The following RNGTT variants were observed in gnomAD, a reference collection of about 807,000 sequenced individuals.
The protein encoded by RNGTT is mRNA-capping enzyme.
In RNGTT, 33 loss-of-function variants were observed where a neutral mutation model predicts 79.3. That is an observed-to-expected ratio of 0.42 (90% CI 0.32 to 0.56). The LOEUF (loss-of-function observed/expected upper bound fraction) is 0.56. Among genes scored for constraint, RNGTT ranks in the 20% least tolerant of loss-of-function variants. RNGTT has a pLI of 0.17. For missense variants in RNGTT, 497 were observed against 739.1 expected (o/e 0.67, Z 3.80); for synonymous variants, 222 against 235.9 (o/e 0.94, Z 0.54).
chr6:88,896,562 C>T (rs1031823836), intron 6 of RNGTT, among the ~76,000 whole-genome samples: 5 of 152,042 alleles, frequency 3.3e-5, no homozygotes, highest in Admixed American at 2.6e-4. Flanking sequence ...AGCAGAGATG[C>T]GATATTAAGA....
At chr6:88,871,131 C>T (rs1437497730) in intron 8 of RNGTT, among the ~76,000 whole-genome samples, 1 of 152,008 alleles carries the variant, frequency 6.6e-6, no homozygotes, top group East Asian at 1.9e-4. Flanking sequence ...AGTATACAGA[C>T]CATAGCAATA....
intron 12 of RNGTT, among the ~76,000 whole-genome samples, chr6:88,791,831 G>A (rs1473819120): frequency 6.6e-6 from 1 of 152,134 alleles, no homozygotes; most frequent in Non-Finnish European, 1.5e-5. Context: ...GAGCCACCAT[G>A]CTCGGCCCAG....
At chr6:88,954,215 C>T (rs922438679) in intron 1 of RNGTT, among the ~76,000 whole-genome samples, 7 of 152,120 alleles carry the variant, frequency 4.6e-5, no homozygotes, top group Non-Finnish European at 1.0e-4. Context: ...AACCCACAAA[C>T]CAAGTATCTG....
At chr6:88,899,736 T>C (rs1562309849) in intron 6 of RNGTT, among the ~76,000 whole-genome samples, 1 of 152,168 alleles carries the variant, frequency 6.6e-6, no homozygotes, top group Non-Finnish European at 1.5e-5. Context: ...TTCTACAGCT[T>C]TTCCTTTCTA....
At chr6:88,818,059 T>C (rs1003388789) in intron 11 of RNGTT, among the ~76,000 whole-genome samples, 3 of 151,838 alleles carry the variant, frequency 2.0e-5, no homozygotes, top group African/African-American at 7.2e-5. Flanking sequence ...GCGCCCGGCC[T>C]ATTCACATCA....
intron 12 of RNGTT, among the ~76,000 whole-genome samples, chr6:88,791,900 C>T (rs1223860203): frequency 6.6e-6 from 1 of 152,028 alleles, no homozygotes; most frequent in Non-Finnish European, 1.5e-5. Flanking sequence ...AAATAGTTCA[C>T]TCTAAAAATC....
At chr6:88,814,194 T>G (rs1780239556) in intron 11 of RNGTT, among the ~76,000 whole-genome samples, 1 of 152,206 alleles carries the variant, frequency 6.6e-6, no homozygotes. Context: ...TAAAGTCATC[T>G]CTCATAAGTT....
intron 11 of RNGTT, among the ~76,000 whole-genome samples, chr6:88,801,834 C>CAG (rs1431265991): frequency 1.3e-5 from 2 of 150,988 alleles, no homozygotes; most frequent in African/African-American, 4.9e-5. Context: ...CACACACACA[C>CAG]ACACACACAC....
intron 12 of RNGTT, among the ~76,000 whole-genome samples, chr6:88,791,027 G>A (rs377683362): frequency 4.0e-4 from 61 of 151,954 alleles, no homozygotes; most frequent in African/African-American, 1.3e-3. Context: ...TCAGGAATGC[G>A]TTACATTATA....
chr6:88,916,159 T>A (rs746590414), intron 4 of RNGTT, among the ~76,000 whole-genome samples: 1 of 152,174 alleles, frequency 6.6e-6, no homozygotes, highest in Non-Finnish European at 1.5e-5. Context: ...ATACTGTGGT[T>A]TTACCAGTAT....
rs1235155448 is a variant in RNGTT at position 88,611,502 on chromosome 6, T to C, written c.*1217A>G. On this transcript the variant is annotated 3_prime_UTR_variant, in exon 16 of 16. Transcript: ENST00000369485. ...TCTTTCACAAACCAATTAGAACAGT[T>C]TATCAACAATGGCAGACAATCAATT... 1 of 152,544 alleles carries C rather than the reference T, an allele frequency of 6.6e-6. No individual in the cohort carries two copies. The highest frequency in any genetic ancestry group is 1.5e-5 in the Non-Finnish European group (1 of 68,048). 9.4% of individuals were successfully genotyped at this position (152,544 alleles called of 1,614,324 possible). A position where few individuals can be genotyped will look rare whatever the true frequency, so the allele number is the denominator to read the frequency against.
intron 12 of RNGTT, among the ~76,000 whole-genome samples, chr6:88,780,856 T>C (rs1562249374): frequency 6.6e-6 from 1 of 152,170 alleles, no homozygotes; most frequent in Non-Finnish European, 1.5e-5. Flanking sequence ...GGAAGCTAAC[T>C]GGAGGTATAC....
At chr6:88,762,004 A>C (rs1778276856) in intron 13 of RNGTT, among the ~76,000 whole-genome samples, 1 of 152,156 alleles carries the variant, frequency 6.6e-6, no homozygotes, top group Non-Finnish European at 1.5e-5. Flanking sequence ...ATAATCCAAA[A>C]GAAAGAACAC....
chr6:88,945,873 G>C (rs962216409), intron 1 of RNGTT, among the ~76,000 whole-genome samples: 1 of 152,160 alleles, frequency 6.6e-6, no homozygotes, highest in Admixed American at 6.5e-5. Flanking sequence ...AACTTTAGAA[G>C]TCACATGTTT....
chr6:88,658,118 ACCT>A (rs1774048861), intron 14 of RNGTT, among the ~76,000 whole-genome samples: 1 of 151,956 alleles, frequency 6.6e-6, no homozygotes, highest in African/African-American at 2.4e-5. Flanking sequence ...TGAAAGCGCC[ACCT>A]CCTGTCTGGA....
chr6:88,783,687 T>C (rs1057387879), intron 12 of RNGTT, among the ~76,000 whole-genome samples: 6 of 152,150 alleles, frequency 3.9e-5, no homozygotes, highest in East Asian at 1.9e-4. Context: ...AAATCCACAG[T>C]CTAAAGCAGG....
At chr6:88,930,331 GAAAC>G (rs1157601831) in intron 2 of RNGTT, among the ~76,000 whole-genome samples, 1 of 150,940 alleles carries the variant, frequency 6.6e-6, no homozygotes, top group East Asian at 1.9e-4. Flanking sequence ...TTTTTGAAAA[GAAAC>G]AAGGTTAAAA....
At chr6:88,900,631 G>C (rs991576318) in intron 6 of RNGTT, among the ~76,000 whole-genome samples, 1 of 151,802 alleles carries the variant, frequency 6.6e-6, no homozygotes, top group Admixed American at 6.6e-5. Context: ...CTACTCAGGA[G>C]GCTGAGGCAG....
chr6:88,745,441 A>C (rs1777629407), intron 13 of RNGTT, among the ~76,000 whole-genome samples: 1 of 152,230 alleles, frequency 6.6e-6, no homozygotes, highest in Non-Finnish European at 1.5e-5. Context: ...TTACAACAAA[A>C]GGATGCACAG....
Sources: gnomAD v4.1 joint callset for allele counts (sites outside exome capture counted in the v4.1 genomes callset) on GRCh38, gnomAD v4.1.1 for gene constraint, MANE v1.5 for transcripts, NCBI Gene and HGNC (gene_info 2026-07-23, HGNC 2026-07-21) for gene names.